Variants in CUBN observed in about 807,000 individuals in gnomAD.
CUBN encodes the protein cubilin.
CUBN carries 282 observed loss-of-function variants against 405.3 expected under a neutral mutation model. The observed-to-expected ratio is 0.70, with a 90% CI of 0.63 to 0.77. The LOEUF (loss-of-function observed/expected upper bound fraction) is 0.77. Among genes scored for constraint, CUBN ranks in the 30% least tolerant of loss-of-function variants. The pLI is 0.00. For synonymous variants in CUBN, 1,684 were observed against 1,617.0 expected (o/e 1.04, Z -0.99); for missense variants, 4,514 against 4,475.2 (o/e 1.01, Z -0.25).
intron 31 of CUBN, among the ~76,000 whole-genome samples, chr10:16,957,309 C>G (rs1843092245): frequency 6.6e-6 from 1 of 152,146 alleles, no homozygotes; most frequent in South Asian, 2.1e-4. Flanking sequence ...CTGTGCCTGG[C>G]TTATTTCCAT....
intron 56 of CUBN, among the ~76,000 whole-genome samples, chr10:16,878,846 C>T (rs959930909): frequency 2.0e-5 from 3 of 152,310 alleles, no homozygotes; most frequent in African/African-American, 4.8e-5. Context: ...GCTTCTTTCA[C>T]TTAATATAAT....
chr10:17,046,360 T>C (rs1835131751), intron 23 of CUBN, among the ~76,000 whole-genome samples: 2 of 152,184 alleles, frequency 1.3e-5, no homozygotes, highest in African/African-American at 4.8e-5. Context: ...AGAATATGTT[T>C]AATCTTCACC....
chr10:17,038,898 A>T (rs1834955861), intron 27 of CUBN, among the ~76,000 whole-genome samples: 1 of 152,226 alleles, frequency 6.6e-6, no homozygotes, highest in Non-Finnish European at 1.5e-5. Flanking sequence ...TGCACAAGAG[A>T]AATGGCATGA....
intron 66 of CUBN, among the ~76,000 whole-genome samples, chr10:16,826,763 A>C (rs949389693): frequency 6.6e-6 from 1 of 152,016 alleles, no homozygotes; most frequent in Admixed American, 6.5e-5. Context: ...GTTCAGTATA[A>C]ACCTGAACTC....
chr10:16,901,974 T>C lies in CUBN; in HGVS notation c.8063-515A>G, dbSNP rs571764889. 1.8e-4 allele frequency among the ~76,000 whole-genome samples: 25 copies of C among 137,674 alleles called. No individual in the cohort carries two copies. The South Asian group carries it at 5.6e-3, about 31-fold the overall frequency. The allele number at this position is 137,674 out of a possible 152,430, so 90.3% of individuals were successfully genotyped here. On this transcript the variant is annotated intron_variant, in intron 51 of 66. Coordinates refer to ENST00000377833, the MANE Select transcript of CUBN (RefSeq NM_001081.4). ...ATATATATATACACCATATATAGTG[T>C]GTATATATATACACCATATATAGTA...
chr10:16,962,715 C>T (rs1423995246), intron 31 of CUBN, among the ~76,000 whole-genome samples: 2 of 152,122 alleles, frequency 1.3e-5, no homozygotes, highest in African/African-American at 4.8e-5. Context: ...GTGCCGTGTT[C>T]TGAGATACTC....
intron 51 of CUBN, 77 bp downstream of exon 51, chr10:16,903,885 AAAAT>A (rs1841478654): frequency 2.9e-6 from 3 of 1,036,926 alleles, no homozygotes; most frequent in Non-Finnish European, 4.1e-6. Context: ...TAAATCTAAC[AAAAT>A]ATATATGAAA....
chr10:16,873,322 A>C (rs772194502), intron 58 of CUBN, among the ~76,000 whole-genome samples: 3 of 152,182 alleles, frequency 2.0e-5, no homozygotes, highest in Non-Finnish European at 1.5e-5. Context: ...GGGAATAGGT[A>C]AGACTGGGAA....
Position 17,068,287 on chromosome 10 carries a change from A to C in CUBN, c.2792-7T>G. 1.2e-6 allele frequency: 2 copies of C among 1,613,278 alleles called. No homozygotes were observed. Among genetic ancestry groups the C allele is most frequent in the Non-Finnish European group, 1.7e-6 (2 of 1,179,360 alleles). On this transcript the variant is annotated splice_polypyrimidine_tract_variant and splice_region_variant and intron_variant, in intron 20 of 66. Transcript: ENST00000377833. ...GTAAGAATTTCTCCACATGCTGTTGAAATAAAAATTATAATTACTGCAGCA... is the reference window on the plus strand; with the variant it reads ...GTAAGAATTTCTCCACATGCTGTTGCAATAAAAATTATAATTACTGCAGCA...
At chr10:16,891,939 AG>A (rs1841027941) in intron 54 of CUBN, among the ~76,000 whole-genome samples, 1 of 152,202 alleles carries the variant, frequency 6.6e-6, no homozygotes, top group South Asian at 2.1e-4. Flanking sequence ...ATCTCAAACA[AG>A]GATGTAGTTG....
chr10:16,914,149 C>G (rs1189244507), intron 47 of CUBN, among the ~76,000 whole-genome samples, 157 bp from the exon 48 acceptor site: 1 of 152,176 alleles, frequency 6.6e-6, no homozygotes. Context: ...TGAACATATA[C>G]ATTCATTTTT....
chr10:17,073,401 T>C (rs2131850725), intron 17 of CUBN, among the ~76,000 whole-genome samples: 1 of 151,910 alleles, frequency 6.6e-6, no homozygotes, highest in East Asian at 1.9e-4. Flanking sequence ...AAAAGGAATT[T>C]CCTTCATATA....
chr10:17,070,178 A>T (rs1835706687), intron 19 of CUBN, among the ~76,000 whole-genome samples: 1 of 152,228 alleles, frequency 6.6e-6, no homozygotes, highest in African/African-American at 2.4e-5. Flanking sequence ...AATTGGCCAT[A>T]AAAGTATGTG....
chr10:16,972,510 T>C (rs1450186063), intron 31 of CUBN, among the ~76,000 whole-genome samples: 1 of 151,406 alleles, frequency 6.6e-6, no homozygotes, highest in East Asian at 1.9e-4. Flanking sequence ...TGATCACAGC[T>C]CACCGCAGCC....
intron 28 of CUBN, among the ~76,000 whole-genome samples, chr10:17,009,072 G>C (rs188142150): frequency 6.6e-6 from 1 of 152,186 alleles, no homozygotes; most frequent in Non-Finnish European, 1.5e-5. Context: ...CAGATGCAGA[G>C]TATTGAACTC....
chr10:17,003,238 G>A lies in CUBN; in HGVS notation c.4169-12723C>T, dbSNP rs149357615. On this transcript the variant is annotated intron_variant, in intron 28 of 66. Transcript: ENST00000377833. Reference sequence around the variant, plus strand: ...TTACTTTGGAGGCGGATGGATGGGTGCTTTACCATTTCTCTCTGTGTGACA... The same window carrying A: ...TTACTTTGGAGGCGGATGGATGGGTACTTTACCATTTCTCTCTGTGTGACA... Among the ~76,000 whole-genome samples the A allele has an allele frequency of 1.3e-4, 20 of 152,256 alleles. No individual in the cohort carries two copies. The East Asian group carries it at 3.1e-3, about 24-fold the overall frequency.
At chr10:16,833,347 A>G (rs776114128) in intron 64 of CUBN, among the ~76,000 whole-genome samples, 2 of 152,192 alleles carry the variant, frequency 1.3e-5, no homozygotes, top group African/African-American at 4.8e-5. Context: ...CCTCCCTGCT[A>G]TATACATCTT....
At chr10:17,094,836 C>T (rs1241357752) in intron 14 of CUBN, among the ~76,000 whole-genome samples, 1 of 151,986 alleles carries the variant, frequency 6.6e-6, no homozygotes, top group Non-Finnish European at 1.5e-5. Flanking sequence ...CCATCTCTAA[C>T]AGAATTCCAA....
intron 28 of CUBN, among the ~76,000 whole-genome samples, chr10:17,011,384 C>T (rs1834175315): frequency 6.6e-6 from 1 of 152,018 alleles, no homozygotes; most frequent in Admixed American, 6.5e-5. Context: ...AGCTGCAGAC[C>T]TTCACCATGA....
Sources: allele counts gnomAD v4.1 joint callset (sites outside exome capture counted in the v4.1 genomes callset), GRCh38; gene constraint gnomAD v4.1.1; transcripts MANE v1.5; gene names NCBI Gene and HGNC (gene_info 2026-07-23, HGNC 2026-07-21).